Variants in RBM26 observed in about 807,000 individuals in gnomAD.
The protein encoded by RBM26 is RNA-binding protein 26.
RBM26 carries 30 observed loss-of-function variants against 123.6 expected under a neutral mutation model. The ratio of observed to expected loss-of-function variants is 0.24; its 90% CI spans 0.18 to 0.33. The LOEUF (loss-of-function observed/expected upper bound fraction) is 0.33. Ranked by LOEUF, RBM26 falls within the 10% of genes least tolerant of loss-of-function variation. RBM26 has a pLI of 1.00. For synonymous variants in RBM26, 400 were observed against 404.4 expected (o/e 0.99, Z 0.13); for missense variants, 947 against 1,203.6 (o/e 0.79, Z 3.15).
At chr13:79,348,466 A>G (rs2072685839) in intron 14 of RBM26, among the ~76,000 whole-genome samples, 1 of 152,128 alleles carries the variant, frequency 6.6e-6, no homozygotes, top group African/African-American at 2.4e-5. Flanking sequence ...ATGGAAGGGA[A>G]AAAGTATTTT....
intron 6 of RBM26, among the ~76,000 whole-genome samples, chr13:79,367,957 TG>T (rs2075486695): frequency 6.6e-6 from 1 of 152,188 alleles, no homozygotes. Context: ...AAAATTGCAA[TG>T]ATGGCTTTAA....
intron 12 of RBM26, 90 bp downstream of exon 12, chr13:79,355,130 G>A (rs1450600955): frequency 6.7e-6 from 8 of 1,198,438 alleles, no homozygotes; most frequent in Non-Finnish European, 9.6e-6. Flanking sequence ...ATGAACTCAG[G>A]CCTACTTGAT....
At position 79,344,779 on chromosome 13, in the gene RBM26, T is replaced by A; in HGVS notation, c.2074A>T (p.Thr692Ser). 1.9e-6 allele frequency: 3 copies of A among 1,612,898 alleles called. No individual in the cohort carries two copies. Among genetic ancestry groups the A allele is most frequent in the Non-Finnish European group, 2.5e-6 (3 of 1,179,342 alleles). The part of the protein sequence containing the change: ...SATEKVLSTS[T>S]GLTKTVYNPA... Reference sequence around the variant, plus strand: ...TTATACACTGTTTTTGTTAGGCCAGTAGATGTAGACAACACCTACCAATAC... The same window carrying A: ...TTATACACTGTTTTTGTTAGGCCAGAAGATGTAGACAACACCTACCAATAC... The change falls in exon 15 of 22, where the codon ACT becomes TCT. Residue 692 changes from threonine to serine, a missense_variant. By Grantham distance (58) the Thr-to-Ser change is moderately conservative. Coordinates refer to ENST00000438737, the MANE Select transcript of RBM26 (RefSeq NM_001366735.2).
chr13:79,333,520 A>C (rs1178803888), intron 20 of RBM26, among the ~76,000 whole-genome samples: 1 of 152,210 alleles, frequency 6.6e-6, no homozygotes, highest in Non-Finnish European at 1.5e-5. Context: ...AGTTGAAATC[A>C]ACTTAAAACT....
In RBM26 at chr13:79,337,598, T is replaced by C. The variant is rs185013256; in HGVS notation, c.2533-296A>G. On this transcript the variant is annotated intron_variant, in intron 18 of 21. Coordinates refer to ENST00000438737, the MANE Select transcript of RBM26 (RefSeq NM_001366735.2). ...TCACAAAAAGATCAGCAACTCCTGA[T>C]TTCCAAGTATGCAGTGTTAAATGTT... 4.7e-3 allele frequency among the ~76,000 whole-genome samples: 712 copies of C among 152,320 alleles called. 5 individuals are homozygous for C. Among genetic ancestry groups the C allele is most frequent in the African/African-American group, 0.016 (666 of 41,586 alleles).
Position 79,359,534 on chromosome 13 carries a change from C to T in RBM26, c.1529+41G>A, listed in dbSNP as rs764574427. On this transcript the variant is annotated intron_variant, in intron 10 of 21. Transcript: ENST00000438737. ...ATAATACAGAAATGATCCTGAAAATCAATGCACAATTATACTCCTCAATTT... is the reference window on the plus strand; with the variant it reads ...ATAATACAGAAATGATCCTGAAAATTAATGCACAATTATACTCCTCAATTT... 20 of 896,120 alleles carry T rather than the reference C, an allele frequency of 2.2e-5. 1 individual carries two copies. The South Asian group carries it at 2.9e-4, about 13-fold the overall frequency. 55.5% of individuals were successfully genotyped at this position (896,120 alleles called of 1,614,324 possible).
Position 79,319,742 on chromosome 13 carries a change from AC to A in RBM26, c.*878del, listed in dbSNP as rs1367058953. 2 of 982,944 alleles carry A rather than the reference AC, an allele frequency of 2.0e-6. No homozygotes were observed. Among genetic ancestry groups the A allele is most frequent in the Non-Finnish European group, 2.4e-6 (2 of 828,148 alleles). The allele number at this position is 982,944 out of a possible 1,614,324, so 60.9% of individuals were successfully genotyped here. ...TTGAAAATTTATAGGATCAAACCAA[AC>A]TCAAGTGGTATAATTTTTAAACATT... On this transcript the variant is annotated 3_prime_UTR_variant, in exon 22 of 22. Coordinates refer to ENST00000438737, the MANE Select transcript of RBM26 (RefSeq NM_001366735.2).
chr13:79,335,203 T>C (rs1279068205), intron 19 of RBM26, among the ~76,000 whole-genome samples: 1 of 152,108 alleles, frequency 6.6e-6, no homozygotes, highest in African/African-American at 2.4e-5. Flanking sequence ...AAATGTTCTG[T>C]AGAGCACAGT....
chr13:79,349,947 C>T (rs541611093), intron 14 of RBM26, among the ~76,000 whole-genome samples: 6 of 152,160 alleles, frequency 3.9e-5, no homozygotes, highest in African/African-American at 4.8e-5. Flanking sequence ...CTGCCTACCT[C>T]GGCCTCCCAA....
At chr13:79,367,655 C>T (rs1372177050) in intron 6 of RBM26, among the ~76,000 whole-genome samples, 1 of 151,952 alleles carries the variant, frequency 6.6e-6, no homozygotes, top group Admixed American at 6.6e-5. Flanking sequence ...TAGTTGCTCT[C>T]CCTTCGCCTT....
At chr13:79,383,155 A>C (rs973196995) in intron 1 of RBM26, among the ~76,000 whole-genome samples, 4 of 131,702 alleles carry the variant, frequency 3.0e-5, no homozygotes, top group Admixed American at 3.0e-4. Flanking sequence ...GTTCTCCTTC[A>C]TTAGAATGGT....
At chr13:79,360,533 T>A (rs935606438) in intron 9 of RBM26, among the ~76,000 whole-genome samples, 1 of 151,962 alleles carries the variant, frequency 6.6e-6, no homozygotes, top group Non-Finnish European at 1.5e-5. Flanking sequence ...AAATAATCAC[T>A]TTGAGGCTTT....
chr13:79,358,095 C>T (rs2074249530), intron 11 of RBM26, among the ~76,000 whole-genome samples, 179 bp downstream of exon 11: 1 of 152,126 alleles, frequency 6.6e-6, no homozygotes, highest in African/African-American at 2.4e-5. Flanking sequence ...GTTGGCCAGG[C>T]TAGTCTCGAA....
At chr13:79,364,707 T>C (rs1408374281) in intron 9 of RBM26, among the ~76,000 whole-genome samples, 1 of 152,110 alleles carries the variant, frequency 6.6e-6, no homozygotes, top group Admixed American at 6.5e-5. Flanking sequence ...ACTCTAGATG[T>C]AGGGCACTTT....
intron 20 of RBM26, among the ~76,000 whole-genome samples, chr13:79,326,544 G>T (rs1054873727): frequency 1.3e-5 from 2 of 152,020 alleles, no homozygotes; most frequent in African/African-American, 4.8e-5. Context: ...AGATTAAAAA[G>T]ATAATTTTTG....
chr13:79,395,018 A>C (rs2078432173), intron 1 of RBM26, among the ~76,000 whole-genome samples: 1 of 152,196 alleles, frequency 6.6e-6, no homozygotes, highest in Admixed American at 6.5e-5. Flanking sequence ...CAAAGCCCAG[A>C]ACCAATCAGA....
At chr13:79,358,094 G>T (rs541844415) in intron 11 of RBM26, among the ~76,000 whole-genome samples, 180 bp downstream of exon 11, 1 of 152,132 alleles carries the variant, frequency 6.6e-6, no homozygotes, top group African/African-American at 2.4e-5. Context: ...GGTTGGCCAG[G>T]CTAGTCTCGA....
intron 3 of RBM26, among the ~76,000 whole-genome samples, chr13:79,375,315 G>A (rs1405083278): frequency 2.0e-5 from 3 of 151,008 alleles, no homozygotes; most frequent in African/African-American, 7.3e-5. Flanking sequence ...TGGGATTACA[G>A]GCACCTGCCA....
intron 14 of RBM26, among the ~76,000 whole-genome samples, chr13:79,345,977 T>C (rs1292356008): frequency 1.3e-5 from 2 of 152,212 alleles, no homozygotes; most frequent in Non-Finnish European, 2.9e-5. Flanking sequence ...CTACGAATGC[T>C]ATAAAACTAA....
Sources: allele counts gnomAD v4.1 joint callset (sites outside exome capture counted in the v4.1 genomes callset), GRCh38; gene constraint gnomAD v4.1.1; transcripts MANE v1.5; gene names NCBI Gene and HGNC (gene_info 2026-07-23, HGNC 2026-07-21).